SIPA1L2: variants seen among roughly 807,000 people sequenced by gnomAD.
SIPA1L2 encodes the protein signal-induced proliferation-associated 1-like protein 2.
A neutral mutation model predicts 163.9 loss-of-function variants in SIPA1L2; 56 were observed. That is an observed-to-expected ratio of 0.34 (90% confidence interval 0.28 to 0.43). The LOEUF is 0.43. Ranked by LOEUF, SIPA1L2 falls within the 20% of genes least tolerant of loss-of-function variation. The pLI, the probability that SIPA1L2 is intolerant of heterozygous loss-of-function variation, is 1.00. For missense variants in SIPA1L2, 1,974 were observed against 2,193.5 expected (o/e 0.90, Z 2.00); for synonymous variants, 877 against 865.7 (o/e 1.01, Z -0.23).
chr1:232,471,235 T>C (rs1572948196), intron 8 of SIPA1L2, 136 bp downstream of exon 8: 1 of 952,808 alleles, frequency 1.0e-6, no homozygotes, highest in Non-Finnish European at 1.6e-6. Flanking sequence ...AGGCAATTAT[T>C]TCTTACAGAA....
intron 15 of SIPA1L2, among the ~76,000 whole-genome samples, chr1:232,434,693 C>T (rs1459058229): frequency 6.6e-6 from 1 of 152,190 alleles, no homozygotes; most frequent in Admixed American, 6.5e-5. Flanking sequence ...ACAACGAGCT[C>T]TGACGCCCTG....
chr1:232,417,452 C>T (rs1337661205), intron 18 of SIPA1L2, among the ~76,000 whole-genome samples: 2 of 152,084 alleles, frequency 1.3e-5, no homozygotes, highest in East Asian at 1.9e-4. Flanking sequence ...CCTTATTCTA[C>T]TTGTTCTGTG....
chr1:232,432,520 T>G lies in SIPA1L2; in HGVS notation c.4032-49A>C, dbSNP rs772320891. 1.9e-6 allele frequency: 3 copies of G among 1,562,166 alleles called. No homozygotes were observed. In the African/African-American group the frequency reaches 4.1e-5, roughly 21 times the overall value. Reference sequence around the variant, plus strand: ...CTGCAATACAATCTGATTTCAGCAGTGCTGGCACACGGCCAAATTCAGAGC... The same window carrying G: ...CTGCAATACAATCTGATTTCAGCAGGGCTGGCACACGGCCAAATTCAGAGC... On this transcript the variant is annotated intron_variant, in intron 15 of 22. Coordinates refer to ENST00000674635, the MANE Select transcript of SIPA1L2 (RefSeq NM_020808.5).
At chr1:232,522,501 T>TC (rs869115864) in intron 2 of SIPA1L2, among the ~76,000 whole-genome samples, 1 of 3,934 alleles carries the variant, frequency 2.5e-4, no homozygotes, top group Non-Finnish European at 3.2e-3. Flanking sequence ...GCATTGTGCC[T>TC]TTTTTTTTTT....
rs139348074 is a variant in SIPA1L2, at chr1:232,417,477, C to T, written c.4631-1852G>A. On this transcript the variant is annotated intron_variant, in intron 18 of 22. Coordinates refer to ENST00000674635, the MANE Select transcript of SIPA1L2 (RefSeq NM_020808.5). Reference sequence around the variant, plus strand: ...CTTGTTCTGTGTGTGATGTGCTTGTCCTTGCCAAGAGGTTAACCAGCAGAG... The same window carrying T: ...CTTGTTCTGTGTGTGATGTGCTTGTTCTTGCCAAGAGGTTAACCAGCAGAG... 4.5e-4 allele frequency among the ~76,000 whole-genome samples: 68 copies of T among 152,146 alleles called. 1 individual carries two copies. The highest frequency in any genetic ancestry group is 1.6e-3 in the African/African-American group (65 of 41,514).
intron 22 of SIPA1L2, among the ~76,000 whole-genome samples, chr1:232,400,786 G>C (rs918179270): frequency 6.6e-6 from 1 of 151,958 alleles, no homozygotes. Flanking sequence ...TTCTCTCAGT[G>C]ATCTTCAAAC....
In SIPA1L2 at chr1:232,428,534, T is replaced by C; in HGVS notation, c.4287A>G (p.Thr1429=). ...CCACCACTGTCTGATGCTGAGTTGCTGTGGACATGACATCCATCTCACTAT... is the reference window on the plus strand; with the variant it reads ...CCACCACTGTCTGATGCTGAGTTGCCGTGGACATGACATCCATCTCACTAT... The part of the protein sequence containing the change: ...GMYSEMDVMS[T]ATQHQTVVGD... The change falls in exon 17 of 23, where the codon ACA becomes ACG. Residue 1429 remains threonine, a synonymous_variant. Coordinates refer to ENST00000674635, the MANE Select transcript of SIPA1L2 (RefSeq NM_020808.5). 6.3e-7 allele frequency: 1 copy of C among 1,588,136 alleles called. No individual in the cohort carries two copies. The highest frequency in any genetic ancestry group is 1.2e-5 in the South Asian group (1 of 86,008).
Position 232,590,503 on chromosome 1 carries a change from T to A in SIPA1L2, c.-318-16281A>T, listed in dbSNP as rs542363451. 8.5e-4 allele frequency among the ~76,000 whole-genome samples: 129 copies of A among 152,342 alleles called. No individual in the cohort carries two copies. In the Middle Eastern group the frequency reaches 0.02, roughly 24 times the overall value. On this transcript the variant is annotated intron_variant, in intron 1 of 22. Transcript: ENST00000674635. ...AAAGTGAGCTGGAGTTCATACACAC[T>A]GTTTTCTGGAAAGCAGAGGGTATGG... is the stretch of plus-strand genomic sequence containing the variant.
intron 2 of SIPA1L2, among the ~76,000 whole-genome samples, chr1:232,539,210 T>G (rs531089052): frequency 1.3e-5 from 2 of 152,062 alleles, no homozygotes; most frequent in African/African-American, 4.8e-5. Flanking sequence ...CTGATGCCAG[T>G]TGAAACCCTT....
At chr1:232,618,911 TC>T (rs1662649208) in intron 1 of SIPA1L2, among the ~76,000 whole-genome samples, 1 of 152,216 alleles carries the variant, frequency 6.6e-6, no homozygotes, top group South Asian at 2.1e-4. Flanking sequence ...TCTATAACCT[TC>T]AGTAAATTAC....
intron 2 of SIPA1L2, among the ~76,000 whole-genome samples, chr1:232,534,540 C>G (rs1244037052): frequency 6.6e-6 from 1 of 152,164 alleles, no homozygotes; most frequent in Non-Finnish European, 1.5e-5. Flanking sequence ...TAATGAAGTG[C>G]CCTTCATCAA....
chr1:232,597,948 T>A (rs1661369518), intron 1 of SIPA1L2, among the ~76,000 whole-genome samples: 1 of 152,076 alleles, frequency 6.6e-6, no homozygotes, highest in East Asian at 1.9e-4. Context: ...CACATTTTCT[T>A]AAAGGAAGGC....
At chr1:232,581,774 A>C (rs1012647010) in intron 1 of SIPA1L2, among the ~76,000 whole-genome samples, 1 of 152,164 alleles carries the variant, frequency 6.6e-6, no homozygotes, top group Non-Finnish European at 1.5e-5. Context: ...TATGCCCTAA[A>C]GGTTCCTGCC....
intron 2 of SIPA1L2, among the ~76,000 whole-genome samples, chr1:232,517,159 A>G (rs1667253816): frequency 6.6e-6 from 1 of 152,214 alleles, no homozygotes; most frequent in Admixed American, 6.5e-5. Flanking sequence ...TGACATTAAC[A>G]AATGCATCCA....
At chr1:232,599,846 G>C (rs775857604) in intron 1 of SIPA1L2, among the ~76,000 whole-genome samples, 1 of 152,226 alleles carries the variant, frequency 6.6e-6, no homozygotes, top group Non-Finnish European at 1.5e-5. Flanking sequence ...GTGCATGCTC[G>C]AAAGTATTCA....
intron 22 of SIPA1L2, among the ~76,000 whole-genome samples, chr1:232,399,765 G>A (rs892733312): frequency 1.3e-5 from 2 of 152,110 alleles, no homozygotes; most frequent in East Asian, 1.9e-4. Context: ...TAAAAACTGT[G>A]TAAAAATAAT....
chr1:232,585,811 G>T (rs774738450), intron 1 of SIPA1L2, among the ~76,000 whole-genome samples: 4 of 152,206 alleles, frequency 2.6e-5, no homozygotes, highest in Admixed American at 2.6e-4. Flanking sequence ...AGCAACAGCA[G>T]AAAGTCAAGA....
upstream of SIPA1L2, among the ~76,000 whole-genome samples, chr1:232,630,303 C>T (rs1663324828): frequency 6.6e-6 from 1 of 151,878 alleles, no homozygotes; most frequent in Non-Finnish European, 1.5e-5. Flanking sequence ...AGCCGGTGCG[C>T]TGTTCCCAGG....
chr1:232,408,562 T>C (rs1413357319), intron 19 of SIPA1L2, among the ~76,000 whole-genome samples: 1 of 152,144 alleles, frequency 6.6e-6, no homozygotes, highest in East Asian at 1.9e-4. Context: ...CCTAGAGTTA[T>C]TGTATCATTT....
Sources: gnomAD v4.1 joint callset for allele counts (sites outside exome capture counted in the v4.1 genomes callset) on GRCh38, gnomAD v4.1.1 for gene constraint, MANE v1.5 for transcripts, NCBI Gene and HGNC (gene_info 2026-07-23, HGNC 2026-07-21) for gene names.